The following RAB31 variants were observed in gnomAD, a reference collection of about 807,000 sequenced individuals.
RAB31 encodes the protein ras-related protein Rab-31.
RAB31 carries 21 observed loss-of-function variants against 25.6 expected under a neutral mutation model. The ratio of observed to expected loss-of-function variants is 0.82; its 90% CI spans 0.58 to 1.18. RAB31 has a LOEUF of 1.18. RAB31 is among the 50% of genes most tolerant of loss of function. The pLI is 0.00. For synonymous variants in RAB31, 87 were observed against 84.0 expected (o/e 1.04, Z -0.20); for missense variants, 196 against 250.1 (o/e 0.78, Z 1.46).
intron 1 of RAB31, among the ~76,000 whole-genome samples, chr18:9,737,683 A>G (rs55680369): frequency 0.28 from 42,523 of 152,070 alleles, 7,438 homozygotes; most frequent in Non-Finnish European, 0.4. Flanking sequence ...CAGTGAATCA[A>G]TCTTGGATTG....
At chr18:9,846,900 A>C (rs2068764810) in intron 6 of RAB31, among the ~76,000 whole-genome samples, 1 of 152,198 alleles carries the variant, frequency 6.6e-6, no homozygotes, top group South Asian at 2.1e-4. Flanking sequence ...TCCCCTCCCC[A>C]GCTGCTGGCC....
At chr18:9,781,911 T>C (rs1170676255) in intron 2 of RAB31, among the ~76,000 whole-genome samples, 1 of 152,190 alleles carries the variant, frequency 6.6e-6, no homozygotes, top group Non-Finnish European at 1.5e-5. Flanking sequence ...AGGAACTGGC[T>C]TATATTAATA....
chr18:9,714,476 G>T (rs1599008276), intron 1 of RAB31, among the ~76,000 whole-genome samples: 1 of 152,202 alleles, frequency 6.6e-6, no homozygotes, highest in Admixed American at 6.5e-5. Context: ...GTGCAACCTG[G>T]TTCCTAACAA....
At chr18:9,734,102 A>AGGAGGAGGGAGGGAG (rs1453203026) in intron 1 of RAB31, among the ~76,000 whole-genome samples, 7 of 49,068 alleles carry the variant, frequency 1.4e-4, no homozygotes, top group Non-Finnish European at 2.6e-4. Context: ...GGTGGCGGGG[A>AGGAGGAGGGAGGGAG]GGAGGGAGGG....
intron 1 of RAB31, among the ~76,000 whole-genome samples, chr18:9,722,114 C>G (rs1439775401): frequency 6.6e-6 from 1 of 151,902 alleles, no homozygotes; most frequent in East Asian, 1.9e-4. Context: ...GGGGTTAGGT[C>G]AGGGAGGTTT....
intron 1 of RAB31, among the ~76,000 whole-genome samples, chr18:9,756,371 T>C (rs61322509): frequency 0.023 from 3,445 of 152,282 alleles, 155 homozygotes; most frequent in African/African-American, 0.079. Flanking sequence ...TTATAAATAA[T>C]GTGGAAGTGT....
At chr18:9,722,327 T>A (rs963409275) in intron 1 of RAB31, among the ~76,000 whole-genome samples, 3 of 151,962 alleles carry the variant, frequency 2.0e-5, no homozygotes, top group Non-Finnish European at 4.4e-5. Context: ...ACTTCCAGAG[T>A]GTAGCAGCAA....
intron 5 of RAB31, among the ~76,000 whole-genome samples, chr18:9,844,220 A>G (rs1340603711): frequency 6.6e-6 from 1 of 152,124 alleles, no homozygotes; most frequent in African/African-American, 2.4e-5. Flanking sequence ...GTATAGACAG[A>G]CATGGTGTGC....
intron 1 of RAB31, chr18:9,774,832 G>A (rs751366892): frequency 5.8e-6 from 3 of 516,500 alleles, no homozygotes; most frequent in African/African-American, 5.8e-5. Flanking sequence ...ATAGAAACTA[G>A]AATTAATAGG....
At chr18:9,714,829 A>G (rs977509935) in intron 1 of RAB31, among the ~76,000 whole-genome samples, 5 of 152,186 alleles carry the variant, frequency 3.3e-5, no homozygotes, top group Non-Finnish European at 7.3e-5. Flanking sequence ...GCTCTGTGGC[A>G]TTGACTGGAT....
intron 1 of RAB31, among the ~76,000 whole-genome samples, chr18:9,712,028 C>A (rs987427239): frequency 2.0e-5 from 3 of 152,206 alleles, no homozygotes; most frequent in African/African-American, 7.2e-5. Flanking sequence ...GAGGTCTTAC[C>A]TCCTGACGTT....
intron 1 of RAB31, among the ~76,000 whole-genome samples, chr18:9,743,267 G>T (rs963722784): frequency 3.3e-5 from 5 of 152,184 alleles, no homozygotes; most frequent in African/African-American, 1.2e-4. Flanking sequence ...ATTAACACAT[G>T]TACAAATAAC....
intron 3 of RAB31, among the ~76,000 whole-genome samples, chr18:9,813,404 T>C (rs2068584901): frequency 6.6e-6 from 1 of 152,206 alleles, no homozygotes; most frequent in Non-Finnish European, 1.5e-5. Context: ...GTCAGTTATA[T>C]TAGAGAAATG....
intron 1 of RAB31, chr18:9,774,926 A>C (rs761625023): frequency 7.6e-6 from 4 of 524,360 alleles, no homozygotes; most frequent in Admixed American, 5.8e-5. Context: ...TTTCTGCCCA[A>C]ACAATGTGGT....
intron 3 of RAB31, among the ~76,000 whole-genome samples, chr18:9,796,327 G>T (rs972465963): frequency 6.6e-6 from 1 of 151,902 alleles, no homozygotes; most frequent in African/African-American, 2.4e-5. Context: ...ATGACCACTA[G>T]AGAATTTACT....
chr18:9,851,835 T>G (rs2068790684), intron 6 of RAB31, among the ~76,000 whole-genome samples: 1 of 152,050 alleles, frequency 6.6e-6, no homozygotes, highest in South Asian at 2.1e-4. Context: ...ATATCCTTAT[T>G]TCACAATATA....
chr18:9,831,308 C>T (rs1176078560), intron 5 of RAB31, among the ~76,000 whole-genome samples: 1 of 152,206 alleles, frequency 6.6e-6, no homozygotes, highest in East Asian at 1.9e-4. Context: ...GGGTTTCTTT[C>T]TGTTGGCTCC....
intron 1 of RAB31, among the ~76,000 whole-genome samples, chr18:9,770,134 A>G (rs890907672): frequency 1.3e-5 from 2 of 152,158 alleles, no homozygotes; most frequent in Non-Finnish European, 2.9e-5. Flanking sequence ...CATCAGGGAT[A>G]TGGGCCTGAA....
chr18:9,765,320 G>A (rs2068310394), intron 1 of RAB31, among the ~76,000 whole-genome samples: 1 of 152,154 alleles, frequency 6.6e-6, no homozygotes, highest in Non-Finnish European at 1.5e-5. Context: ...TCTCACTACA[G>A]TAACAGGCCT....
Sources: allele counts gnomAD v4.1 joint callset (sites outside exome capture counted in the v4.1 genomes callset), GRCh38; gene constraint gnomAD v4.1.1; transcripts MANE v1.5; gene names NCBI Gene and HGNC (gene_info 2026-07-23, HGNC 2026-07-21).